The following TNPO1 variants were observed in gnomAD, a reference collection of about 807,000 sequenced individuals.
TNPO1 encodes transportin-1.
A neutral mutation model predicts 119.5 loss-of-function variants in TNPO1; 8 were observed. The ratio of observed to expected loss-of-function variants is 0.07; its 90% CI spans 0.04 to 0.12. The LOEUF is 0.12. TNPO1 is among the 10% of genes least tolerant of loss of function. The pLI is 1.00. For synonymous variants in TNPO1, 362 were observed against 363.0 expected (o/e 1.00, Z 0.03); for missense variants, 576 against 1,089.8 (o/e 0.53, Z 6.64).
chr5:72,888,336 G>A (rs1223672905), intron 13 of TNPO1, 33 bp downstream of exon 13: 3 of 1,585,162 alleles, frequency 1.9e-6, no homozygotes, highest in Non-Finnish European at 2.6e-6. Flanking sequence ...TGTTCTTTGT[G>A]GCAGTGAAAA....
In TNPO1 at chr5:72,889,892, C is replaced by T; in HGVS notation, c.1636C>T (p.Leu546=). The T allele has an allele frequency of 6.2e-7, 1 of 1,613,692 alleles. No homozygotes were observed. The highest frequency in any genetic ancestry group is 8.5e-7 in the Non-Finnish European group (1 of 1,179,898). Residue 546 remains leucine (L), a synonymous_variant, in exon 14 of 25, where the codon CTG becomes TTG. Transcript: ENST00000337273. Reference sequence around the variant, plus strand: ...ATTTAGTAAATACCAGCATAAGAACCTGCTCATTCTTTACGATGCCATAGG... The same window carrying T: ...ATTTAGTAAATACCAGCATAAGAACTTGCTCATTCTTTACGATGCCATAGG... ...FAFSKYQHKN[L]LILYDAIGTL...
chr5:72,857,954 CAG>C (rs1467221431), intron 4 of TNPO1, among the ~76,000 whole-genome samples: 1 of 152,166 alleles, frequency 6.6e-6, no homozygotes, highest in African/African-American at 2.4e-5. Flanking sequence ...TATTTTAAAA[CAG>C]AGATTGGTGA....
chr5:72,875,907 C>T (rs906386788), intron 8 of TNPO1, among the ~76,000 whole-genome samples, 170 bp downstream of exon 8: 14 of 152,142 alleles, frequency 9.2e-5, no homozygotes, highest in African/African-American at 3.4e-4. Context: ...GTTGTACATA[C>T]TGTATAACTT....
chr5:72,901,689 C>T (rs1391909407), intron 22 of TNPO1, among the ~76,000 whole-genome samples: 1 of 152,072 alleles, frequency 6.6e-6, no homozygotes, highest in East Asian at 1.9e-4. Flanking sequence ...TGAATTACAC[C>T]ATGTATATTC....
At chr5:72,855,118 C>T (rs1745882452) in intron 3 of TNPO1, among the ~76,000 whole-genome samples, 1 of 151,994 alleles carries the variant, frequency 6.6e-6, no homozygotes, top group Admixed American at 6.6e-5. Flanking sequence ...GCCTCCGCCT[C>T]CCAAGCAGCT....
At chr5:72,887,829 G>GA (rs1748767657) in intron 12 of TNPO1, among the ~76,000 whole-genome samples, 1 of 152,204 alleles carries the variant, frequency 6.6e-6, no homozygotes. Flanking sequence ...CATTCTCTAT[G>GA]AAGGGTTATT....
chr5:72,887,248 T>C, intron 12 of TNPO1, 26 bp downstream of exon 12: 6 of 1,180,336 alleles, frequency 5.1e-6, no homozygotes, highest in Non-Finnish European at 5.8e-6. Context: ...GTTTGAATTA[T>C]GTAAGTTGGC....
intron 6 of TNPO1, among the ~76,000 whole-genome samples, chr5:72,870,725 G>C (rs977453281): frequency 6.6e-6 from 1 of 152,120 alleles, no homozygotes; most frequent in Non-Finnish European, 1.5e-5. Flanking sequence ...GTTTGGGGAG[G>C]CTAGTAGTAG....
intron 19 of TNPO1, 42 bp downstream of exon 19, chr5:72,896,598 G>T (rs892726414): frequency 1.3e-6 from 2 of 1,517,082 alleles, no homozygotes; most frequent in South Asian, 2.3e-5. Context: ...GGCCTGGCGC[G>T]GTGGCTCACG....
chr5:72,900,902 A>T, intron 21 of TNPO1, 72 bp from the exon 22 acceptor site: 2 of 1,003,184 alleles, frequency 2.0e-6, no homozygotes, highest in Non-Finnish European at 3.0e-6. Flanking sequence ...ATTCCATTAA[A>T]TACTGTCCAT....
At chr5:72,891,282 C>T (rs1194296131) in intron 14 of TNPO1, among the ~76,000 whole-genome samples, 1 of 152,042 alleles carries the variant, frequency 6.6e-6, no homozygotes, top group Non-Finnish European at 1.5e-5. Flanking sequence ...CTGGCTAACA[C>T]GGTGAAACCC....
At chr5:72,898,024 T>A (rs1301946639) in intron 20 of TNPO1, among the ~76,000 whole-genome samples, 1 of 152,144 alleles carries the variant, frequency 6.6e-6, no homozygotes, top group Non-Finnish European at 1.5e-5. Context: ...TGGAAGGAAA[T>A]CTTTTAATTA....
intron 8 of TNPO1, among the ~76,000 whole-genome samples, chr5:72,876,968 G>A (rs1747836503): frequency 6.6e-6 from 1 of 151,678 alleles, no homozygotes; most frequent in African/African-American, 2.4e-5. Context: ...GGTGGCAGGC[G>A]CCTGTAGTCC....
intron 10 of TNPO1, 59 bp from the exon 11 acceptor site, chr5:72,883,005 T>A: frequency 8.4e-7 from 1 of 1,187,162 alleles, no homozygotes; most frequent in Non-Finnish European, 1.3e-6. Context: ...CTCTTACTCA[T>A]GTACATACTA....
chr5:72,819,668 G>A (rs926581416), intron 1 of TNPO1, among the ~76,000 whole-genome samples: 2 of 152,170 alleles, frequency 1.3e-5, no homozygotes, highest in African/African-American at 4.8e-5. Flanking sequence ...CCATAAAGTT[G>A]GGATTGATAT....
chr5:72,854,785 A>T (rs537880749), intron 3 of TNPO1, among the ~76,000 whole-genome samples: 6 of 152,270 alleles, frequency 3.9e-5, no homozygotes, highest in African/African-American at 1.4e-4. Context: ...AAATTTGTAA[A>T]TACTATCTAT....
chr5:72,872,884 G>A (rs1747508814), intron 7 of TNPO1, among the ~76,000 whole-genome samples, 164 bp downstream of exon 7: 1 of 151,970 alleles, frequency 6.6e-6, no homozygotes, highest in Admixed American at 6.5e-5. Context: ...CTGGATATGG[G>A]ATAGACTAAC....
chr5:72,897,617 G>C (rs978769781), intron 20 of TNPO1, among the ~76,000 whole-genome samples: 1 of 149,946 alleles, frequency 6.7e-6, no homozygotes. Flanking sequence ...TATGTTATGG[G>C]ATTTTTTTTT....
At chr5:72,854,912 C>T (rs1745864316) in intron 3 of TNPO1, among the ~76,000 whole-genome samples, 1 of 152,076 alleles carries the variant, frequency 6.6e-6, no homozygotes, top group Non-Finnish European at 1.5e-5. Context: ...ATATTTGTTA[C>T]ATGAAGGTCT....
Sources: gnomAD v4.1 joint callset for allele counts (sites outside exome capture counted in the v4.1 genomes callset) on GRCh38, gnomAD v4.1.1 for gene constraint, MANE v1.5 for transcripts, NCBI Gene and HGNC (gene_info 2026-07-23, HGNC 2026-07-21) for gene names.